EPN2: variants seen among roughly 807,000 people sequenced by gnomAD.
EPN2 encodes the protein epsin-2.
In EPN2, 34 loss-of-function variants were observed where a neutral mutation model predicts 61.7. The ratio of observed to expected loss-of-function variants is 0.55; its 90% CI spans 0.42 to 0.73. EPN2 has a LOEUF of 0.73. EPN2 is among the 30% of genes least tolerant of loss of function. The pLI is 0.00. For synonymous variants in EPN2, 349 were observed against 353.6 expected (o/e 0.99, Z 0.15); for missense variants, 714 against 839.2 (o/e 0.85, Z 1.84).
chr17:19,335,625 G>A lies in EPN2; in HGVS notation c.*1371G>A. The A allele has an allele frequency of 1.8e-6, 1 of 570,434 alleles. No individual in the cohort carries two copies. The highest frequency in any genetic ancestry group is 2.8e-6 in the Non-Finnish European group (1 of 353,046). The allele number at this position is 570,434 out of a possible 1,614,324, so 35.3% of individuals were successfully genotyped here. A position where few individuals can be genotyped will look rare whatever the true frequency, so the allele number is the denominator to read the frequency against. On this transcript the variant is annotated 3_prime_UTR_variant, in exon 11 of 11. Coordinates refer to ENST00000314728, the MANE Select transcript of EPN2 (RefSeq NM_014964.5). ...TCCCTAGGCTAAGACAGGGGTGGGGGGCTAAGGGACCAGGGCTGGCCCTGA... is the reference window on the plus strand; with the variant it reads ...TCCCTAGGCTAAGACAGGGGTGGGGAGCTAAGGGACCAGGGCTGGCCCTGA...
chr17:19,304,278 C>G (rs1905707581), intron 4 of EPN2, among the ~76,000 whole-genome samples: 1 of 152,166 alleles, frequency 6.6e-6, no homozygotes, highest in South Asian at 2.1e-4. Flanking sequence ...AAGGTCATTG[C>G]TGATTCAGGA....
At chr17:19,321,941 G>A (rs1193698089) in intron 7 of EPN2, among the ~76,000 whole-genome samples, 1 of 152,188 alleles carries the variant, frequency 6.6e-6, no homozygotes, top group Admixed American at 6.5e-5. Flanking sequence ...CTGGGACAGA[G>A]AGCTGAGGAC....
chr17:19,326,635 G>C (rs7503076), intron 7 of EPN2, among the ~76,000 whole-genome samples: 142,605 of 148,464 alleles, frequency 0.96, 68,859 homozygotes, highest in African/African-American at 0.99. Context: ...TGCAGTTAGC[G>C]ATGATTGCGC....
chr17:19,309,062 ATGTT>A (rs1174357935), intron 4 of EPN2, among the ~76,000 whole-genome samples: 2 of 151,786 alleles, frequency 1.3e-5, no homozygotes, highest in African/African-American at 2.4e-5. Context: ...CAGAACGAAA[ATGTT>A]TGGGGTCACT....
chr17:19,259,753 C>G (rs1309190447), intron 1 of EPN2, among the ~76,000 whole-genome samples: 1 of 152,208 alleles, frequency 6.6e-6, no homozygotes, highest in Non-Finnish European at 1.5e-5. Context: ...GTGCCTAGAG[C>G]AAGGTGGATG....
intron 7 of EPN2, among the ~76,000 whole-genome samples, chr17:19,323,336 G>A (rs548164677): frequency 3.3e-5 from 5 of 152,310 alleles, no homozygotes; most frequent in African/African-American, 7.2e-5. Context: ...GGGTAAACAC[G>A]GGAGCAGAGT....
At chr17:19,272,104 C>T (rs550105369) in intron 1 of EPN2, among the ~76,000 whole-genome samples, 69 of 152,318 alleles carry the variant, frequency 4.5e-4, no homozygotes, top group African/African-American at 1.5e-3. Context: ...GTCCATAGCT[C>T]GGCCTGTCCT....
chr17:19,271,293 G>A (rs1298642569), intron 1 of EPN2, among the ~76,000 whole-genome samples: 1 of 152,162 alleles, frequency 6.6e-6, no homozygotes, highest in East Asian at 1.9e-4. Context: ...GAGGCCATGC[G>A]ATCTGAGTGA....
In EPN2 at chr17:19,283,648, C is replaced by G. The variant is rs1181541604; in HGVS notation, c.529C>G (p.Leu177Val). The change falls in exon 3 of 11, where the codon CTC becomes GTC. Residue 177 changes from leucine to valine, a missense_variant. This residue lies in a region of EPN2 where 304 missense variants were observed against 417.4 expected (regional missense o/e 0.73). Coordinates refer to ENST00000314728, the MANE Select transcript of EPN2 (RefSeq NM_014964.5). This position sits in a 1 kb window ranked among gnomAD's most constrained non-coding sequence, Gnocchi z 7.0. The stretch of plus-strand genomic sequence containing the variant: ...TGGGCGAGGCTCCAGCCAGCCCAAC[C>G]TCTCCACCAGCCACTCGGAGCAGGA... ...TFGRGSSQPN[L>V]STSHSEQEYG... is the part of the protein sequence containing the mutation. 3 of 1,613,588 alleles carry G rather than the reference C, an allele frequency of 1.9e-6. No homozygotes were observed. The highest frequency in any genetic ancestry group is 8.5e-7 in the Non-Finnish European group (1 of 1,179,954).
chr17:19,306,534 G>T (rs1026509559), intron 4 of EPN2, among the ~76,000 whole-genome samples: 2 of 152,270 alleles, frequency 1.3e-5, no homozygotes, highest in Non-Finnish European at 2.9e-5. Context: ...GAGCCAGTAT[G>T]TGCCAGCTGT....
intron 4 of EPN2, among the ~76,000 whole-genome samples, chr17:19,289,384 G>A (rs935422865): frequency 6.6e-6 from 1 of 151,794 alleles, no homozygotes; most frequent in East Asian, 1.9e-4. Flanking sequence ...GCACCTGGAC[G>A]ATTCTGGGTA....
At chr17:19,320,398 A>T (rs1906587345) in intron 7 of EPN2, among the ~76,000 whole-genome samples, 1 of 152,138 alleles carries the variant, frequency 6.6e-6, no homozygotes, top group Non-Finnish European at 1.5e-5. Flanking sequence ...TCCACCACGC[A>T]TCTGCCCACT....
intron 1 of EPN2, among the ~76,000 whole-genome samples, chr17:19,246,767 CTTT>C (rs377094702): frequency 2.7e-5 from 3 of 109,542 alleles, no homozygotes; most frequent in Non-Finnish European, 5.2e-5. Context: ...CCCTGTGTGC[CTTT>C]TTTTTTTTTT....
chr17:19,331,532 G>A (rs2152240695), intron 9 of EPN2, among the ~76,000 whole-genome samples: 1 of 150,950 alleles, frequency 6.6e-6, no homozygotes, highest in Non-Finnish European at 1.5e-5. Context: ...AAAAAAAAAA[G>A]TAAATTGCCC....
intron 7 of EPN2, among the ~76,000 whole-genome samples, chr17:19,315,907 A>G (rs890531803): frequency 9.9e-5 from 15 of 152,230 alleles, no homozygotes; most frequent in Non-Finnish European, 1.8e-4. Flanking sequence ...CCGCATACCC[A>G]GGCCCTGGCA....
At chr17:19,238,839 T>C (rs1406681804) in intron 1 of EPN2, among the ~76,000 whole-genome samples, 8 of 152,140 alleles carry the variant, frequency 5.3e-5, no homozygotes, top group Admixed American at 5.2e-4. Context: ...AAAGAAGGGA[T>C]TGGAACAGGG....
At chr17:19,242,625 C>CT (rs1324639407) in intron 1 of EPN2, among the ~76,000 whole-genome samples, 1 of 152,184 alleles carries the variant, frequency 6.6e-6, no homozygotes. Flanking sequence ...GTGTGCTTCA[C>CT]TTTCAAGCCC....
chr17:19,301,119 A>T (rs12938803), intron 4 of EPN2, among the ~76,000 whole-genome samples: 305 of 151,938 alleles, frequency 2.0e-3, no homozygotes, highest in Non-Finnish European at 3.3e-3. Context: ...GAGGATGGGA[A>T]GCGAGCAGGG....
chr17:19,316,164 T>C (rs1284273320), intron 7 of EPN2, among the ~76,000 whole-genome samples: 1 of 152,278 alleles, frequency 6.6e-6, no homozygotes, highest in Non-Finnish European at 1.5e-5. Context: ...TGTTTTCACA[T>C]TTTGGCTATT....
Sources: gnomAD v4.1 joint callset for allele counts (sites outside exome capture counted in the v4.1 genomes callset) on GRCh38, gnomAD v4.1.1 for gene constraint, gnomAD v4.1.1 regional missense constraint, Gnocchi (gnomAD v3.1) non-coding constraint, MANE v1.5 for transcripts, NCBI Gene and HGNC (gene_info 2026-07-23, HGNC 2026-07-21) for gene names.